FBXO25: variants seen among roughly 807,000 people sequenced by gnomAD.
FBXO25 encodes F-box only protein 25.
Under a neutral mutation model 51.9 loss-of-function variants are expected in FBXO25, and 45 were observed. That is an observed-to-expected ratio of 0.87 (90% confidence interval 0.68 to 1.11). The LOEUF (loss-of-function observed/expected upper bound fraction) is 1.11, where lower values mean the gene tolerates loss of function less well. Ranked by LOEUF, FBXO25 falls within the 50% of genes most tolerant of loss-of-function variation. The pLI, the probability that FBXO25 is intolerant of heterozygous loss-of-function variation, is 0.00. For missense variants in FBXO25, 507 were observed against 428.5 expected (o/e 1.18, Z -1.62); for synonymous variants, 199 against 151.0 (o/e 1.32, Z -2.33).
chr8:425,333 CTCTA>C (rs1797407285), intron 2 of FBXO25, among the ~76,000 whole-genome samples: 2 of 151,656 alleles, frequency 1.3e-5, no homozygotes, highest in African/African-American at 4.8e-5. Context: ...ACATTTTTCT[CTCTA>C]TCCCTTTCTT....
chr8:425,204 T>C (rs950491513), intron 2 of FBXO25, among the ~76,000 whole-genome samples: 4 of 151,946 alleles, frequency 2.6e-5, no homozygotes, highest in African/African-American at 9.7e-5. Context: ...CAAACTCTTA[T>C]GGTAACCATT....
intron 7 of FBXO25, among the ~76,000 whole-genome samples, chr8:453,485 A>T (rs1381484218): frequency 6.6e-6 from 1 of 152,088 alleles, no homozygotes; most frequent in East Asian, 1.9e-4. Flanking sequence ...TGTTACTTGA[A>T]ACCAGTAGAA....
At chr8:450,255 T>TA (rs1406098312) in intron 6 of FBXO25, among the ~76,000 whole-genome samples, 172 bp downstream of exon 6, 1 of 152,250 alleles carries the variant, frequency 6.6e-6, no homozygotes, top group East Asian at 1.9e-4. Context: ...AGTGTTCTGT[T>TA]ACTGCCGTTT....
Position 451,382 on chromosome 8 carries a change from A to T in FBXO25, c.589A>T (p.Asn197Tyr). The change falls in exon 7 of 10, where the codon AAT (asparagine) becomes TAT (tyrosine). Residue 197 changes from asparagine to tyrosine, a missense_variant. Transcript: ENST00000350302. ...GAAGTCTGTATTAGTGGGAAACATC[A>T]ATATTTGGATTTGCCGATTAGAAAC... ...VGKSVLVGNI[N>Y]IWICRLETIL... 1 of 1,614,062 alleles carries T rather than the reference A, an allele frequency of 6.2e-7. No homozygotes were observed. Among genetic ancestry groups the T allele is most frequent in the Non-Finnish European group, 8.5e-7 (1 of 1,179,982 alleles).
chr8:453,125 T>TA (rs1799197440), intron 7 of FBXO25, among the ~76,000 whole-genome samples: 1 of 152,208 alleles, frequency 6.6e-6, no homozygotes, highest in Non-Finnish European at 1.5e-5. Context: ...GGATAGGTGT[T>TA]ACTGTAGTGC....
chr8:434,925 T>G (rs185466347), intron 4 of FBXO25, among the ~76,000 whole-genome samples: 1 of 152,000 alleles, frequency 6.6e-6, no homozygotes. Context: ...TAAACACCAG[T>G]TTTTTTTGGT....
intron 2 of FBXO25, among the ~76,000 whole-genome samples, chr8:421,673 C>G (rs1797166001): frequency 6.6e-6 from 1 of 152,116 alleles, no homozygotes; most frequent in African/African-American, 2.4e-5. Flanking sequence ...TTTTCTAAGT[C>G]TGTTGACAGA....
intron 6 of FBXO25, among the ~76,000 whole-genome samples, chr8:450,312 ATAAC>A (rs532821951): frequency 1.0e-3 from 156 of 152,344 alleles, no homozygotes; most frequent in African/African-American, 3.3e-3. Flanking sequence ...ATTAGGAAAA[ATAAC>A]TAATCACACA....
In FBXO25 at chr8:454,097, G is replaced by A. The variant is rs143651787; in HGVS notation, c.660+2644G>A. On this transcript the variant is annotated intron_variant, in intron 7 of 9. Transcript: ENST00000350302. ...CGAGATCGTGCCATTGCACTCCAGCGTGGGCGACAAGAGTGAAACTCCGTC... is the reference window on the plus strand; with the variant it reads ...CGAGATCGTGCCATTGCACTCCAGCATGGGCGACAAGAGTGAAACTCCGTC... Among the ~76,000 whole-genome samples, 956 of 152,150 alleles carry A rather than the reference G, an allele frequency of 6.3e-3. 48 individuals are homozygous for A. In the East Asian group the frequency reaches 0.14, roughly 23 times the overall value.
intron 2 of FBXO25, among the ~76,000 whole-genome samples, chr8:424,495 G>T (rs1391878189): frequency 1.3e-5 from 2 of 152,148 alleles, no homozygotes; most frequent in African/African-American, 4.8e-5. Context: ...TACAGTTTGA[G>T]GTCTTACTTT....
At chr8:423,440 C>G (rs1468588189) in intron 2 of FBXO25, among the ~76,000 whole-genome samples, 2 of 152,018 alleles carry the variant, frequency 1.3e-5, no homozygotes, top group East Asian at 1.9e-4. Context: ...TTTAACCCAC[C>G]CCCACTCCCT....
At position 469,287 on chromosome 8, in the gene FBXO25, A is replaced by T. The variant is rs1282675771; in HGVS notation, c.*483A>T. On this transcript the variant is annotated 3_prime_UTR_variant, in exon 10 of 10. Coordinates refer to ENST00000350302, the MANE Select transcript of FBXO25 (RefSeq NM_183420.2). ...TTAACTACTACATTGGCTGTGCCCA[A>T]ATGAGTCCTCTTTGAATAGAAAGTG... 6.5e-6 allele frequency: 1 copy of T among 152,970 alleles called. No individual in the cohort carries two copies. The highest frequency in any genetic ancestry group is 2.4e-5 in the African/African-American group (1 of 41,464). 9.5% of individuals were successfully genotyped at this position (152,970 alleles called of 1,614,324 possible).
intron 5 of FBXO25, among the ~76,000 whole-genome samples, chr8:440,636 G>A (rs1798370402): frequency 6.6e-6 from 1 of 151,766 alleles, no homozygotes; most frequent in African/African-American, 2.4e-5. Context: ...TGTGCTCAAT[G>A]TGCAGGTTTG....
chr8:453,540 C>T (rs1799225895), intron 7 of FBXO25, among the ~76,000 whole-genome samples: 1 of 152,110 alleles, frequency 6.6e-6, no homozygotes, highest in South Asian at 2.1e-4. Context: ...TTTGTAGATG[C>T]CGGACTCAGT....
At position 450,087 on chromosome 8, in the gene FBXO25, A is replaced by G. The variant is rs760458112; in HGVS notation, c.475+4A>G. The stretch of plus-strand genomic sequence containing the variant: ...TTGGATAAAATCGTTCAAAAGGGTA[A>G]GATGATCACTGTATTTTTAATACTC... On this transcript the variant is annotated splice_donor_region_variant and intron_variant, in intron 6 of 9. Coordinates refer to ENST00000350302, the MANE Select transcript of FBXO25 (RefSeq NM_183420.2). The G allele has an allele frequency of 6.3e-7, 1 of 1,594,068 alleles. No individual in the cohort carries two copies. The highest frequency in any genetic ancestry group is 8.6e-7 in the Non-Finnish European group (1 of 1,165,442).
chr8:468,035 G>A (rs1800298636), intron 9 of FBXO25: 1 of 1,281,266 alleles, frequency 7.8e-7, no homozygotes, highest in Admixed American at 3.7e-5. Context: ...GCACTGCCAG[G>A]GCATGCCATG....
At chr8:460,148 C>G (rs977551684) in intron 8 of FBXO25, among the ~76,000 whole-genome samples, 1 of 152,138 alleles carries the variant, frequency 6.6e-6, no homozygotes, top group African/African-American at 2.4e-5. Flanking sequence ...CACTCCCTAT[C>G]ACGTGCAGGC....
intron 7 of FBXO25, among the ~76,000 whole-genome samples, chr8:457,122 C>G (rs888071293): frequency 6.6e-6 from 1 of 152,064 alleles, no homozygotes; most frequent in Non-Finnish European, 1.5e-5. Context: ...AAAAGGAAAA[C>G]ACAAATCAGA....
At chr8:422,969 A>T (rs1391903781) in intron 2 of FBXO25, among the ~76,000 whole-genome samples, 1 of 149,378 alleles carries the variant, frequency 6.7e-6, no homozygotes, top group Non-Finnish European at 1.5e-5. Flanking sequence ...CAGGAGAGAG[A>T]AGAGAACTTA....
Sources: gnomAD v4.1 joint callset for allele counts (sites outside exome capture counted in the v4.1 genomes callset) on GRCh38, gnomAD v4.1.1 for gene constraint, MANE v1.5 for transcripts, NCBI Gene and HGNC (gene_info 2026-07-23, HGNC 2026-07-21) for gene names.